The following ULK4 variants were observed in gnomAD, a reference collection of about 807,000 sequenced individuals.
ULK4 encodes the protein unc-51 like kinase 4, also known as inactive serine/threonine-protein kinase ULK4.
A neutral mutation model predicts 160.6 loss-of-function variants in ULK4; 133 were observed. That is an observed-to-expected ratio of 0.83 (90% CI 0.72 to 0.96). ULK4 has a LOEUF of 0.96. Ranked by LOEUF, ULK4 falls within the 40% of genes least tolerant of loss-of-function variation. ULK4 has a pLI of 0.00. For missense variants in ULK4, 1,580 were observed against 1,499.5 expected (o/e 1.05, Z -0.89); for synonymous variants, 534 against 539.8 (o/e 0.99, Z 0.15).
intron 32 of ULK4, among the ~76,000 whole-genome samples, chr3:41,519,380 G>A (rs528404491): frequency 6.6e-6 from 1 of 152,268 alleles, no homozygotes; most frequent in East Asian, 1.9e-4. Flanking sequence ...TCCCCAGGAG[G>A]GGTTCCTACT....
chr3:41,908,012 GA>G (rs1698640237), intron 11 of ULK4, 71 bp from the exon 12 acceptor site: 2 of 1,137,284 alleles, frequency 1.8e-6, no homozygotes, highest in Non-Finnish European at 2.4e-6. Flanking sequence ...TTTTCTGGAA[GA>G]AAACAAGTCT....
chr3:41,473,617 G>A (rs1488288985), intron 32 of ULK4, among the ~76,000 whole-genome samples: 58 of 134,614 alleles, frequency 4.3e-4, no homozygotes, highest in African/African-American at 1.6e-3. Context: ...AGCTGAGATC[G>A]CACCACGGCA....
rs115723369 is a variant in ULK4, at chr3:41,909,927, G to A, written c.1085+1390C>T. On this transcript the variant is annotated intron_variant, in intron 11 of 36. Coordinates refer to ENST00000301831, the MANE Select transcript of ULK4 (RefSeq NM_017886.4). The stretch of plus-strand genomic sequence containing the variant: ...ATTTTTTTTTTTGAGACGGTGTTTC[G>A]CTCTTGTCCCCCAGGCTGGAGCGCG... Among the ~76,000 whole-genome samples, 1,483 of 150,806 alleles carry A rather than the reference G, an allele frequency of 9.8e-3. 16 individuals are homozygous for A. The highest frequency in any genetic ancestry group is 0.022 in the African/African-American group (882 of 41,006).
At chr3:41,713,491 A>G (rs1039423946) in intron 25 of ULK4, among the ~76,000 whole-genome samples, 1 of 152,184 alleles carries the variant, frequency 6.6e-6, no homozygotes, top group East Asian at 1.9e-4. Context: ...CAAACACAAT[A>G]AGAAAAATAA....
At chr3:41,835,754 G>A in intron 18 of ULK4, 110 bp downstream of exon 18, 1 of 678,980 alleles carries the variant, frequency 1.5e-6, no homozygotes, top group Middle Eastern at 2.6e-4. Flanking sequence ...AAGTTCCTCA[G>A]GCGTGCTCTA....
intron 34 of ULK4, among the ~76,000 whole-genome samples, chr3:41,451,337 G>A (rs2083420698): frequency 6.6e-6 from 1 of 151,924 alleles, no homozygotes; most frequent in African/African-American, 2.4e-5. Flanking sequence ...AAACTGAGCA[G>A]AGGGGTAGCA....
chr3:41,423,170 T>C lies in ULK4; in HGVS notation c.3493-24906A>G, dbSNP rs571517074. Reference sequence around the variant, plus strand: ...ATCACTGAGATAAGTGCTTTGACAGTAAGCAGGGAAAAGGATGCAAGGACA... The same window carrying C: ...ATCACTGAGATAAGTGCTTTGACAGCAAGCAGGGAAAAGGATGCAAGGACA... On this transcript the variant is annotated intron_variant, in intron 34 of 36. Transcript: ENST00000301831. Among the ~76,000 whole-genome samples the C allele has an allele frequency of 5.9e-5, 9 of 152,284 alleles. No homozygotes were observed. The South Asian group carries it at 1.7e-3, about 28-fold the overall frequency.
chr3:41,367,916 G>A (rs556670035), intron 35 of ULK4, among the ~76,000 whole-genome samples: 119 of 152,198 alleles, frequency 7.8e-4, no homozygotes, highest in African/African-American at 2.7e-3. Flanking sequence ...TCATGTGTGT[G>A]CCAAGAAAAC....
chr3:41,772,192 A>G (rs1012238371), intron 21 of ULK4, among the ~76,000 whole-genome samples: 1 of 152,240 alleles, frequency 6.6e-6, no homozygotes, highest in African/African-American at 2.4e-5. Context: ...TTCAAAAGCT[A>G]GCAGAAAGCA....
At chr3:41,916,411 T>C (rs1214690440) in intron 7 of ULK4, among the ~76,000 whole-genome samples, 7 of 152,136 alleles carry the variant, frequency 4.6e-5, no homozygotes, top group Admixed American at 6.5e-5. Context: ...TTTTTTGAGA[T>C]AGAGTCTTGC....
At chr3:41,632,320 T>C (rs1163649594) in intron 30 of ULK4, among the ~76,000 whole-genome samples, 3 of 152,210 alleles carry the variant, frequency 2.0e-5, no homozygotes, top group Non-Finnish European at 4.4e-5. Flanking sequence ...AAATTCCATA[T>C]TTTTTAAAAT....
intron 21 of ULK4, 50 bp downstream of exon 21, chr3:41,789,611 A>G: frequency 1.4e-6 from 2 of 1,468,664 alleles, no homozygotes; most frequent in South Asian, 1.5e-5. Context: ...ACTAAAATGC[A>G]GAAGAAAACA....
chr3:41,644,528 T>C (rs1297716023), intron 30 of ULK4, among the ~76,000 whole-genome samples: 3 of 152,196 alleles, frequency 2.0e-5, no homozygotes, highest in Non-Finnish European at 4.4e-5. Context: ...CAGCCTTGCA[T>C]CCCAGGGATG....
chr3:41,888,630 G>C (rs1470860204), intron 16 of ULK4, among the ~76,000 whole-genome samples: 1 of 152,136 alleles, frequency 6.6e-6, no homozygotes, highest in African/African-American at 2.4e-5. Flanking sequence ...CCCTTCCTTG[G>C]TACACAGAAT....
chr3:41,856,603 GTGTA>G (rs1425157056), intron 17 of ULK4, among the ~76,000 whole-genome samples: 1 of 66,028 alleles, frequency 1.5e-5, no homozygotes, highest in African/African-American at 1.1e-4. Flanking sequence ...ATATATATAT[GTGTA>G]TATATATACA....
At chr3:41,775,421 T>C (rs1006082608) in intron 21 of ULK4, among the ~76,000 whole-genome samples, 1 of 148,108 alleles carries the variant, frequency 6.8e-6, no homozygotes, top group Non-Finnish European at 1.5e-5. Context: ...TTTATGGTGA[T>C]GCAGTCTTGC....
chr3:41,807,127 C>T (rs1176325598), intron 19 of ULK4, among the ~76,000 whole-genome samples: 1 of 144,878 alleles, frequency 6.9e-6, no homozygotes, highest in Admixed American at 6.8e-5. Context: ...GATCTTGTCT[C>T]AAAAAAATAA....
chr3:41,649,140 A>G (rs2034633556), intron 30 of ULK4, among the ~76,000 whole-genome samples: 1 of 152,064 alleles, frequency 6.6e-6, no homozygotes, highest in Non-Finnish European at 1.5e-5. Flanking sequence ...AAACAAAAAA[A>G]AAAAAGCCAG....
intron 22 of ULK4, among the ~76,000 whole-genome samples, chr3:41,736,145 T>A (rs1189908174): frequency 6.6e-6 from 1 of 151,734 alleles, no homozygotes; most frequent in Non-Finnish European, 1.5e-5. Context: ...AATGCCACAA[T>A]AAACATACGT....
Sources: allele counts gnomAD v4.1 joint callset (sites outside exome capture counted in the v4.1 genomes callset), GRCh38; gene constraint gnomAD v4.1.1; transcripts MANE v1.5; gene names NCBI Gene and HGNC (gene_info 2026-07-23, HGNC 2026-07-21).